The following FAM13A variants were observed in gnomAD, a reference collection of about 807,000 sequenced individuals.
The protein encoded by FAM13A is protein FAM13A.
FAM13A carries 76 observed loss-of-function variants against 129.6 expected under a neutral mutation model. That is an observed-to-expected ratio of 0.59 (90% CI 0.49 to 0.71). FAM13A has a LOEUF of 0.71. FAM13A is among the 30% of genes least tolerant of loss of function. The pLI is 0.00. For missense variants in FAM13A, 1,108 were observed against 1,249.3 expected (o/e 0.89, Z 1.70); for synonymous variants, 443 against 449.9 (o/e 0.98, Z 0.20).
In FAM13A at chr4:88,925,722, A is replaced by T. The variant is rs1032366583; in HGVS notation, c.759+12366T>A. ...AATAAAATAAAAAATAAATAAAAAT[A>T]AAAAAAGAGAAATGCCAATGTATAA... On this transcript the variant is annotated intron_variant, in intron 5 of 23. Coordinates refer to ENST00000264344, the MANE Select transcript of FAM13A (RefSeq NM_014883.4). 4.1e-4 allele frequency among the ~76,000 whole-genome samples: 58 copies of T among 140,888 alleles called. 1 individual carries two copies. Among genetic ancestry groups the T allele is most frequent in the Non-Finnish European group, 3.8e-4 (24 of 62,918 alleles). The allele number at this position is 140,888 out of a possible 152,430, so 92.4% of individuals were successfully genotyped here. A position where few individuals can be genotyped will look rare whatever the true frequency, so the allele number is the denominator to read the frequency against.
At chr4:88,981,852 A>G (rs1447584016) in intron 4 of FAM13A, among the ~76,000 whole-genome samples, 4 of 152,180 alleles carry the variant, frequency 2.6e-5, no homozygotes, top group Non-Finnish European at 2.9e-5. Context: ...AAAAAAGTCC[A>G]TGTCTCTTCC....
intron 4 of FAM13A, among the ~76,000 whole-genome samples, chr4:88,969,982 TCTCTGGATTCCCAA>T (rs1023833645): frequency 1.4e-4 from 21 of 152,150 alleles, no homozygotes; most frequent in Admixed American, 2.6e-4. Flanking sequence ...AAAAAGACAA[TCTCTGGATTCCCAA>T]CCAAAACTGG....
At chr4:88,971,142 C>T (rs1436383304) in intron 4 of FAM13A, among the ~76,000 whole-genome samples, 1 of 152,012 alleles carries the variant, frequency 6.6e-6, no homozygotes, top group African/African-American at 2.4e-5. Context: ...GGCATGAACC[C>T]GGGAGGCGGA....
At chr4:89,027,348 A>T (rs911132990) in intron 2 of FAM13A, among the ~76,000 whole-genome samples, 44 of 152,002 alleles carry the variant, frequency 2.9e-4, no homozygotes, top group Non-Finnish European at 5.6e-4. Flanking sequence ...CTCTAAAAAA[A>T]TTTTTTTTAA....
chr4:88,813,222 A>T (rs1000207678), intron 7 of FAM13A, among the ~76,000 whole-genome samples: 1 of 152,182 alleles, frequency 6.6e-6, no homozygotes, highest in Non-Finnish European at 1.5e-5. Context: ...GGGGAAAAAA[A>T]ATTATTTCAC....
rs1283320539 is a variant in FAM13A, at chr4:89,057,039, C to T, written c.-75G>A. 8.7e-6 allele frequency: 14 copies of T among 1,600,212 alleles called. No individual in the cohort carries two copies. Among genetic ancestry groups the T allele is most frequent in the Non-Finnish European group, 1.2e-5 (14 of 1,175,084 alleles). The stretch of plus-strand genomic sequence containing the variant: ...AAAACGACAGCAAAATACTAAAATT[C>T]CATTCAGCACATATTCTTTGATGTG... On this transcript the variant is annotated 5_prime_UTR_variant, in exon 1 of 24. The change creates a premature stop within an existing upstream ORF in the 5' untranslated region. Coordinates refer to ENST00000264344, the MANE Select transcript of FAM13A (RefSeq NM_014883.4).
intron 5 of FAM13A, among the ~76,000 whole-genome samples, chr4:88,912,220 A>C (rs1749183482): frequency 9.8e-6 from 1 of 102,290 alleles, no homozygotes; most frequent in African/African-American, 3.8e-5. Flanking sequence ...CAATGGGCTG[A>C]GTAAGGAAGA....
intron 6 of FAM13A, among the ~76,000 whole-genome samples, chr4:88,854,122 T>A (rs2150000219): frequency 6.6e-6 from 1 of 152,282 alleles, no homozygotes; most frequent in East Asian, 1.9e-4. Context: ...CCTAATAAAC[T>A]CCTCTTCATA....
intron 7 of FAM13A, among the ~76,000 whole-genome samples, chr4:88,825,368 A>G (rs1420647845): frequency 6.6e-6 from 1 of 151,632 alleles, no homozygotes; most frequent in Non-Finnish European, 1.5e-5. Context: ...GGTGCTCGCC[A>G]CCATGCCCCC....
At chr4:88,742,038 GAC>G (rs1474372925) in intron 19 of FAM13A, among the ~76,000 whole-genome samples, 2 of 152,176 alleles carry the variant, frequency 1.3e-5, no homozygotes, top group African/African-American at 4.8e-5. Flanking sequence ...GTCAGCACGT[GAC>G]ACATGGTGAA....
chr4:88,757,117 ATTCT>A (rs201336017), intron 14 of FAM13A, among the ~76,000 whole-genome samples: 3,231 of 152,128 alleles, frequency 0.021, 100 homozygotes, highest in African/African-American at 0.074. Context: ...CTGAAGGAAA[ATTCT>A]TTATGTTAAT....
chr4:88,956,609 G>C (rs75488192), intron 4 of FAM13A, among the ~76,000 whole-genome samples: 1 of 152,102 alleles, frequency 6.6e-6, no homozygotes, highest in Non-Finnish European at 1.5e-5. Context: ...AAACTTAGTG[G>C]CTTAAAACAA....
intron 6 of FAM13A, among the ~76,000 whole-genome samples, chr4:88,874,349 T>G (rs1741989402): frequency 6.6e-6 from 1 of 152,210 alleles, no homozygotes; most frequent in Non-Finnish European, 1.5e-5. Context: ...GAAGTCAAAG[T>G]GTCTCTGTTT....
rs1306091207 is a variant in FAM13A, at chr4:88,964,557, A to G, written c.606-26316T>C. On this transcript the variant is annotated intron_variant, in intron 4 of 23. Coordinates refer to ENST00000264344, the MANE Select transcript of FAM13A (RefSeq NM_014883.4). ...TTTTTACACAGCACCATCTAGTCAT[A>G]ATGAATCACCACACTAGCACATAAT... 2.6e-5 allele frequency among the ~76,000 whole-genome samples: 4 copies of G among 152,068 alleles called. No homozygotes were observed. The South Asian group carries it at 8.3e-4, about 32-fold the overall frequency.
chr4:88,825,116 G>C (rs961695616), intron 7 of FAM13A, among the ~76,000 whole-genome samples: 2 of 152,122 alleles, frequency 1.3e-5, no homozygotes, highest in Non-Finnish European at 2.9e-5. Context: ...AAAGGTAGTG[G>C]CAGAACAGAA....
At chr4:88,803,281 C>A (rs1434444545) in intron 8 of FAM13A, among the ~76,000 whole-genome samples, 1 of 152,148 alleles carries the variant, frequency 6.6e-6, no homozygotes, top group Non-Finnish European at 1.5e-5. Context: ...CTTTTTCTAC[C>A]ATAAACGTGG....
chr4:88,799,295 T>C (rs1726925284), intron 8 of FAM13A, among the ~76,000 whole-genome samples: 1 of 152,136 alleles, frequency 6.6e-6, no homozygotes, highest in Middle Eastern at 3.2e-3. Flanking sequence ...GAAATCCACA[T>C]ACTTCACAAC....
chr4:88,998,638 G>A (rs1763864726), intron 3 of FAM13A, among the ~76,000 whole-genome samples: 1 of 152,060 alleles, frequency 6.6e-6, no homozygotes, highest in Non-Finnish European at 1.5e-5. Flanking sequence ...AACCTATAAG[G>A]CTGCATGGGC....
intron 8 of FAM13A, among the ~76,000 whole-genome samples, chr4:88,797,127 T>A (rs1331141004): frequency 6.6e-6 from 1 of 152,144 alleles, no homozygotes; most frequent in East Asian, 1.9e-4. Flanking sequence ...CCTACTAATT[T>A]TTTTTTAAAT....
Sources: gnomAD v4.1 joint callset for allele counts (sites outside exome capture counted in the v4.1 genomes callset) on GRCh38, gnomAD v4.1.1 for gene constraint, MANE v1.5 for transcripts, NCBI Gene and HGNC (gene_info 2026-07-23, HGNC 2026-07-21) for gene names.